Variants in ATRNL1 observed in about 807,000 individuals in gnomAD.
ATRNL1 encodes the protein attractin like 1, also known as attractin-like protein 1.
A neutral mutation model predicts 182.7 loss-of-function variants in ATRNL1; 95 were observed. The observed-to-expected ratio is 0.52, with a 90% CI of 0.44 to 0.62. The LOEUF (loss-of-function observed/expected upper bound fraction) is 0.62. ATRNL1 is among the 20% of genes least tolerant of loss of function. The probability of loss-of-function intolerance (pLI) is 0.00; values close to 1 mark genes in which losing one functional copy is unlikely to be tolerated. For missense variants in ATRNL1, 1,471 were observed against 1,679.5 expected (o/e 0.88, Z 2.17); for synonymous variants, 576 against 568.3 (o/e 1.01, Z -0.19).
intron 15 of ATRNL1, among the ~76,000 whole-genome samples, chr10:115,296,232 A>G (rs1490520231): frequency 6.6e-6 from 1 of 152,110 alleles, no homozygotes; most frequent in East Asian, 1.9e-4. Flanking sequence ...AGACAGGGCA[A>G]AGGCTGGGTG....
chr10:115,708,980 C>G lies in ATRNL1; in HGVS notation c.3796-18268C>G, dbSNP rs150745736. ...TGGGAAAATAAATTATGATTGTTTA[C>G]TTAAGATTCTCAGAAAGGGAACACA... On this transcript the variant is annotated intron_variant, in intron 26 of 28. Coordinates refer to ENST00000355044, the MANE Select transcript of ATRNL1 (RefSeq NM_207303.4). Among the ~76,000 whole-genome samples, 257 of 151,778 alleles carry G rather than the reference C, an allele frequency of 1.7e-3. 4 individuals are homozygous for G. The highest frequency in any genetic ancestry group is 0.015 in the Admixed American group (223 of 15,204).
chr10:115,615,370 C>T (rs1408986093), intron 26 of ATRNL1, among the ~76,000 whole-genome samples: 4 of 152,014 alleles, frequency 2.6e-5, no homozygotes, highest in African/African-American at 4.8e-5. Context: ...GAAGAGACAG[C>T]TTTGTCAGTT....
At chr10:115,689,973 G>A (rs1460484810) in intron 26 of ATRNL1, among the ~76,000 whole-genome samples, 1 of 152,126 alleles carries the variant, frequency 6.6e-6, no homozygotes, top group Admixed American at 6.5e-5. Context: ...ACGGAAAGAA[G>A]GCATCCTACT....
intron 26 of ATRNL1, among the ~76,000 whole-genome samples, chr10:115,617,386 A>G (rs1857494228): frequency 6.6e-6 from 1 of 150,686 alleles, no homozygotes; most frequent in Non-Finnish European, 1.5e-5. Context: ...TTTTAAACGG[A>G]GTCTTGCTCT....
Position 115,093,425 on chromosome 10 carries a change from A to T in ATRNL1, c.-326A>T. The T allele has an allele frequency of 2.8e-6, 1 of 355,424 alleles. No individual in the cohort carries two copies. Among genetic ancestry groups the T allele is most frequent in the Non-Finnish European group, 5.1e-6 (1 of 196,400 alleles). The allele number at this position is 355,424 out of a possible 1,614,324, so 22.0% of individuals were successfully genotyped here. On this transcript the variant is annotated 5_prime_UTR_variant, in exon 1 of 29. Transcript: ENST00000355044. The surrounding 1 kb of genome is among the most constrained non-coding windows in gnomAD (Gnocchi z 6.1). The stretch of plus-strand genomic sequence containing the variant: ...GCGGGGTCCCCTCCTCCTGCCGGTC[A>T]GGTCCCCTCAGGAGCGCCGGGCGCA...
chr10:115,940,699 T>TC (rs1953705688), intron 28 of ATRNL1, among the ~76,000 whole-genome samples: 3 of 28,762 alleles, frequency 1.0e-4, no homozygotes, highest in African/African-American at 2.2e-4. Flanking sequence ...CTCTCTCTCT[T>TC]CTCTCTCTCT....
At chr10:115,383,365 G>T (rs1408182990) in intron 19 of ATRNL1, among the ~76,000 whole-genome samples, 1 of 151,642 alleles carries the variant, frequency 6.6e-6, no homozygotes, top group Non-Finnish European at 1.5e-5. Flanking sequence ...TTATGACCGG[G>T]TGAGAAAATC....
At chr10:115,761,167 A>G (rs1454091392) in intron 27 of ATRNL1, among the ~76,000 whole-genome samples, 7 of 152,216 alleles carry the variant, frequency 4.6e-5, no homozygotes, top group African/African-American at 1.7e-4. Flanking sequence ...GCAAAAGGCT[A>G]GTTTTATTAG....
intron 27 of ATRNL1, among the ~76,000 whole-genome samples, chr10:115,806,736 T>C (rs1287765297): frequency 6.6e-6 from 1 of 152,186 alleles, no homozygotes; most frequent in Non-Finnish European, 1.5e-5. Context: ...AAAATCTGGC[T>C]CTGCCATTAC....
intron 28 of ATRNL1, among the ~76,000 whole-genome samples, chr10:115,914,362 C>G (rs1031090796): frequency 6.6e-6 from 1 of 152,152 alleles, no homozygotes; most frequent in Non-Finnish European, 1.5e-5. Flanking sequence ...AGGAAGAAAT[C>G]TGGTGTTGTC....
chr10:115,540,825 A>G (rs2133785204), intron 25 of ATRNL1, among the ~76,000 whole-genome samples: 1 of 152,050 alleles, frequency 6.6e-6, no homozygotes, highest in South Asian at 2.1e-4. Flanking sequence ...GTTAATTACC[A>G]AGTCAAGGAC....
chr10:115,755,483 G>A (rs545887089), intron 27 of ATRNL1, among the ~76,000 whole-genome samples: 28 of 152,160 alleles, frequency 1.8e-4, no homozygotes, highest in East Asian at 7.7e-4. Flanking sequence ...ATTGATTAGC[G>A]TATGTTGAAC....
At chr10:115,216,512 T>C (rs1363018302) in intron 9 of ATRNL1, among the ~76,000 whole-genome samples, 1 of 152,202 alleles carries the variant, frequency 6.6e-6, no homozygotes, top group Non-Finnish European at 1.5e-5. Context: ...CATCTTCTTA[T>C]GTGTTGATTT....
intron 21 of ATRNL1, among the ~76,000 whole-genome samples, chr10:115,448,662 A>G (rs1554967086): frequency 6.6e-6 from 1 of 152,134 alleles, no homozygotes; most frequent in African/African-American, 2.4e-5. Flanking sequence ...AAGACAAGAA[A>G]TAACCGAAAT....
chr10:115,543,363 CTGT>C (rs1852469959), intron 25 of ATRNL1, among the ~76,000 whole-genome samples: 1 of 151,876 alleles, frequency 6.6e-6, no homozygotes, highest in South Asian at 2.1e-4. Flanking sequence ...GAAGTGTATT[CTGT>C]TAATATGTTC....
intron 24 of ATRNL1, among the ~76,000 whole-genome samples, chr10:115,479,431 T>G (rs1250573553): frequency 1.3e-5 from 2 of 151,194 alleles, no homozygotes; most frequent in Non-Finnish European, 3.0e-5. Flanking sequence ...CATTTAAACA[T>G]ATTATTTGAT....
At position 115,846,687 on chromosome 10, in the gene ATRNL1, A is replaced by G. The variant is rs547968920; in HGVS notation, c.3904-1190A>G. 7.9e-5 allele frequency among the ~76,000 whole-genome samples: 12 copies of G among 152,198 alleles called. 1 individual carries two copies. In the East Asian group the frequency reaches 2.3e-3, roughly 29 times the overall value. ...AAAGATCACATTGTGTTTAATTCCA[A>G]ATTTCATATGTGGATTTGTGTACAC... On this transcript the variant is annotated intron_variant, in intron 27 of 28. Coordinates refer to ENST00000355044, the MANE Select transcript of ATRNL1 (RefSeq NM_207303.4).
intron 19 of ATRNL1, among the ~76,000 whole-genome samples, chr10:115,353,950 T>C (rs1856387445): frequency 6.6e-6 from 1 of 152,162 alleles, no homozygotes; most frequent in Non-Finnish European, 1.5e-5. Context: ...TTTCAAAAAT[T>C]GTTGTAGTTA....
At chr10:115,417,579 A>G (rs116782377) in intron 20 of ATRNL1, among the ~76,000 whole-genome samples, 2,080 of 152,204 alleles carry the variant, frequency 0.014, 51 homozygotes, top group African/African-American at 0.046. Context: ...GGGCTATCCA[A>G]CCTTTGTCCC....
Sources: allele counts gnomAD v4.1 joint callset (sites outside exome capture counted in the v4.1 genomes callset), GRCh38; gene constraint gnomAD v4.1.1; non-coding constraint Gnocchi (gnomAD v3.1); transcripts MANE v1.5; gene names NCBI Gene and HGNC (gene_info 2026-07-23, HGNC 2026-07-21).